The following MAGI2 variants were observed in gnomAD, a reference collection of about 807,000 sequenced individuals.
The protein encoded by MAGI2 is membrane-associated guanylate kinase, WW and PDZ domain-containing protein 2.
In MAGI2, 35 loss-of-function variants were observed where a neutral mutation model predicts 133.3. The ratio of observed to expected loss-of-function variants is 0.26; its 90% CI spans 0.20 to 0.35. MAGI2 has a LOEUF of 0.35. Among genes scored for constraint, MAGI2 ranks in the 10% least tolerant of loss-of-function variants. The probability of loss-of-function intolerance (pLI) is 1.00; values close to 1 mark genes in which losing one functional copy is unlikely to be tolerated. For missense variants in MAGI2, 1,636 were observed against 1,863.4 expected (o/e 0.88, Z 2.25); for synonymous variants, 729 against 710.6 (o/e 1.03, Z -0.41).
chr7:79,242,096 G>A (rs1191510830), intron 1 of MAGI2, among the ~76,000 whole-genome samples: 1 of 152,022 alleles, frequency 6.6e-6, no homozygotes, highest in Non-Finnish European at 1.5e-5. Context: ...TAGTTCAGAG[G>A]AATAAGTTCA....
intron 2 of MAGI2, among the ~76,000 whole-genome samples, chr7:78,706,224 G>A (rs1818628377): frequency 6.6e-6 from 1 of 152,036 alleles, no homozygotes; most frequent in Non-Finnish European, 1.5e-5. Context: ...GGAGGTAACT[G>A]AATTATGGAG....
At chr7:79,347,941 C>A (rs1841440833) in intron 1 of MAGI2, among the ~76,000 whole-genome samples, 1 of 151,846 alleles carries the variant, frequency 6.6e-6, no homozygotes, top group Admixed American at 6.6e-5. Context: ...TATACATTAT[C>A]TTCTGTTGAC....
At chr7:78,513,186 G>A (rs1563106153) in intron 4 of MAGI2, among the ~76,000 whole-genome samples, 1 of 151,856 alleles carries the variant, frequency 6.6e-6, no homozygotes, top group African/African-American at 2.4e-5. Context: ...TGAAGTTCCA[G>A]GAAATTCAAA....
intron 1 of MAGI2, among the ~76,000 whole-genome samples, chr7:79,041,460 ATTCTT>A (rs1811662456): frequency 2.0e-5 from 3 of 152,296 alleles, no homozygotes; most frequent in Admixed American, 1.3e-4. Flanking sequence ...ATCAGATAAA[ATTCTT>A]TAATAAACAT....
intron 1 of MAGI2, among the ~76,000 whole-genome samples, chr7:79,366,138 A>C (rs1183480713): frequency 6.6e-6 from 1 of 151,790 alleles, no homozygotes; most frequent in East Asian, 1.9e-4. Context: ...GCTACTCAGG[A>C]GGCTGAGGTG....
At position 78,242,060 on chromosome 7, in the gene MAGI2, T is replaced by G. The variant is rs892303950; in HGVS notation, c.2047+13883A>C. The stretch of plus-strand genomic sequence containing the variant: ...TAGCAAGGGCAGAATGTCTACCACA[T>G]GTTTGACCACAAACCATTTTTTAAT... On this transcript the variant is annotated intron_variant, in intron 10 of 21. Transcript: ENST00000354212. 1.3e-5 allele frequency among the ~76,000 whole-genome samples: 2 copies of G among 150,414 alleles called. 1 individual carries two copies. Among genetic ancestry groups the G allele is most frequent in the African/African-American group, 4.8e-5 (2 of 41,532 alleles).
chr7:78,434,797 G>A (rs1562989891), intron 6 of MAGI2, among the ~76,000 whole-genome samples: 1 of 152,090 alleles, frequency 6.6e-6, no homozygotes. Flanking sequence ...AACTCTTGCA[G>A]AAGGAAAAAT....
chr7:78,336,287 T>A, intron 9 of MAGI2, among the ~76,000 whole-genome samples: 1 of 152,192 alleles, frequency 6.6e-6, no homozygotes, highest in Non-Finnish European at 1.5e-5. Context: ...CACAGGAAAC[T>A]GTATTTTTAA....
intron 7 of MAGI2, among the ~76,000 whole-genome samples, chr7:78,364,754 A>G (rs1242149369): frequency 6.6e-6 from 1 of 152,226 alleles, no homozygotes; most frequent in African/African-American, 2.4e-5. Flanking sequence ...TAATTTCACT[A>G]AAGAGGAGAG....
intron 3 of MAGI2, among the ~76,000 whole-genome samples, chr7:78,622,574 C>T (rs1273321197): frequency 6.6e-6 from 1 of 152,034 alleles, no homozygotes; most frequent in East Asian, 1.9e-4. Flanking sequence ...TGCAAAAAGA[C>T]ATTCCTTAGT....
intron 3 of MAGI2, among the ~76,000 whole-genome samples, chr7:78,548,832 CTTTG>C (rs1489809061): frequency 3.3e-5 from 5 of 152,022 alleles, no homozygotes; most frequent in Non-Finnish European, 1.5e-5. Flanking sequence ...ATTATTTTTT[CTTTG>C]ATTTAGATGT....
At chr7:79,087,611 G>A (rs977546783) in intron 1 of MAGI2, among the ~76,000 whole-genome samples, 1 of 151,908 alleles carries the variant, frequency 6.6e-6, no homozygotes, top group Non-Finnish European at 1.5e-5. Flanking sequence ...GAAGATTCTA[G>A]GAATTTTATG....
intron 1 of MAGI2, among the ~76,000 whole-genome samples, chr7:79,440,766 T>C (rs1467799616): frequency 6.6e-6 from 1 of 152,188 alleles, no homozygotes; most frequent in Non-Finnish European, 1.5e-5. Context: ...TTGTGTACTA[T>C]ATTATTATCT....
At chr7:78,749,280 G>T (rs908460626) in intron 2 of MAGI2, among the ~76,000 whole-genome samples, 1 of 152,260 alleles carries the variant, frequency 6.6e-6, no homozygotes, top group Non-Finnish European at 1.5e-5. Context: ...AGAGGGAAAA[G>T]GTGTCCAAGC....
At chr7:78,547,526 C>T (rs1233568516) in intron 3 of MAGI2, among the ~76,000 whole-genome samples, 3 of 152,126 alleles carry the variant, frequency 2.0e-5, no homozygotes, top group Non-Finnish European at 4.4e-5. Flanking sequence ...TTCATTCATT[C>T]GTTCATTCAA....
chr7:79,145,913 C>A (rs766836229), intron 1 of MAGI2, among the ~76,000 whole-genome samples: 1 of 152,166 alleles, frequency 6.6e-6, no homozygotes, highest in Non-Finnish European at 1.5e-5. Flanking sequence ...TCACAGAAGG[C>A]GTTTCTTCTT....
intron 17 of MAGI2, chr7:78,134,069 T>C (rs1488610128): frequency 6.6e-6 from 1 of 152,206 alleles, no homozygotes; most frequent in East Asian, 1.9e-4. Context: ...ATCCCTGGCC[T>C]CCACCCCCTA....
At chr7:78,882,102 A>AAAG (rs1554595700) in intron 2 of MAGI2, among the ~76,000 whole-genome samples, 2 of 126,604 alleles carry the variant, frequency 1.6e-5, no homozygotes, top group African/African-American at 2.8e-5. Flanking sequence ...AAAAAAAAAA[A>AAAG]AAAAAAGAAA....
At chr7:78,992,317 A>C (rs1805869197) in intron 2 of MAGI2, among the ~76,000 whole-genome samples, 1 of 152,054 alleles carries the variant, frequency 6.6e-6, no homozygotes, top group Non-Finnish European at 1.5e-5. Flanking sequence ...CGTATGTCTT[A>C]ATCACTCTGT....
Sources: gnomAD v4.1 joint callset for allele counts (sites outside exome capture counted in the v4.1 genomes callset) on GRCh38, gnomAD v4.1.1 for gene constraint, MANE v1.5 for transcripts, NCBI Gene and HGNC (gene_info 2026-07-23, HGNC 2026-07-21) for gene names.